Variants in KMT2C observed in about 807,000 individuals in gnomAD.
KMT2C encodes histone-lysine N-methyltransferase 2C.
Under a neutral mutation model 507.9 loss-of-function variants are expected in KMT2C, and 88 were observed. The observed-to-expected ratio is 0.17, with a 90% CI of 0.15 to 0.21. The LOEUF (loss-of-function observed/expected upper bound fraction) is 0.21. Among genes scored for constraint, KMT2C ranks in the 10% least tolerant of loss-of-function variants. The pLI is 1.00. For synonymous variants in KMT2C, 2,049 were observed against 2,080.8 expected, an observed-to-expected ratio of 0.98 and a Z score of 0.42; for missense variants, 4,954 against 5,957.8, an observed-to-expected ratio of 0.83 and a Z score of 5.55.
intron 2 of KMT2C, among the ~76,000 whole-genome samples, chr7:152,352,960 A>G (rs1274246058): frequency 6.6e-6 from 1 of 152,262 alleles, no homozygotes; most frequent in Non-Finnish European, 1.5e-5. Context: ...TAACTGAATT[A>G]TAATTAGCTA....
At chr7:152,418,111 T>C (rs1372409494) in intron 1 of KMT2C, among the ~76,000 whole-genome samples, 1 of 151,970 alleles carries the variant, frequency 6.6e-6, no homozygotes, top group African/African-American at 2.4e-5. Flanking sequence ...CAGCTAATTT[T>C]TGTATCTTAG....
chr7:152,427,338 A>T (rs1310475786), intron 1 of KMT2C, among the ~76,000 whole-genome samples: 2 of 152,114 alleles, frequency 1.3e-5, no homozygotes, highest in Non-Finnish European at 2.9e-5. Flanking sequence ...TTTATTATGT[A>T]TTCTTCCCAA....
chr7:152,356,976 G>A (rs2097157660), intron 2 of KMT2C, among the ~76,000 whole-genome samples: 1 of 151,460 alleles, frequency 6.6e-6, no homozygotes, highest in Admixed American at 6.6e-5. Flanking sequence ...GCTCACACCT[G>A]TAATCCCAGC....
intron 38 of KMT2C, 84 bp downstream of exon 38, chr7:152,176,107 T>C (rs2093196975): frequency 7.7e-7 from 1 of 1,292,730 alleles, no homozygotes; most frequent in South Asian, 1.5e-5. Flanking sequence ...CCAACTGTAA[T>C]TCTAATAATA....
intron 15 of KMT2C, among the ~76,000 whole-genome samples, chr7:152,237,385 A>G (rs1311173339): frequency 1.3e-5 from 2 of 152,220 alleles, no homozygotes; most frequent in African/African-American, 2.4e-5. Context: ...CCCAGTTTCA[A>G]ACTGCCACTC....
In KMT2C at chr7:152,178,038, A is replaced by AAAAAAG. The variant is rs2093286220; in HGVS notation, c.7443-29_7443-28insCTTTTT. 2.9e-6 allele frequency: 4 copies of AAAAAAG among 1,399,460 alleles called. No individual in the cohort carries two copies. The African/African-American group carries it at 6.1e-5, about 21-fold the overall frequency. The allele number at this position is 1,399,460 out of a possible 1,614,324, so 86.7% of individuals were successfully genotyped here. On this transcript the variant is annotated intron_variant, in intron 37 of 58. Transcript: ENST00000262189. ...TTTAAAAAAAAAAAAAAAAAAAAAA[A>AAAAAAG]AAAAGCAAATAGGTATTATGTTAAA...
chr7:152,328,447 C>A (rs1380530129), intron 3 of KMT2C, among the ~76,000 whole-genome samples: 2 of 152,126 alleles, frequency 1.3e-5, no homozygotes, highest in Non-Finnish European at 2.9e-5. Context: ...CCCATCAGCA[C>A]ATTTAAAAGA....
At chr7:152,431,543 T>C (rs1001018204) in intron 1 of KMT2C, among the ~76,000 whole-genome samples, 3 of 151,286 alleles carry the variant, frequency 2.0e-5, no homozygotes, top group Non-Finnish European at 1.5e-5. Flanking sequence ...GAGGCGGAAG[T>C]TGCAGCGAGC....
chr7:152,266,196 A>G (rs2095855732), intron 7 of KMT2C, among the ~76,000 whole-genome samples: 2 of 151,684 alleles, frequency 1.3e-5, no homozygotes, highest in South Asian at 2.1e-4. Context: ...TAGATAATAT[A>G]TATAAATATG....
At chr7:152,297,051 A>AAGAAAGAG (rs1356233143) in intron 6 of KMT2C, among the ~76,000 whole-genome samples, 10 of 60,240 alleles carry the variant, frequency 1.7e-4, no homozygotes, top group East Asian at 4.4e-4. Flanking sequence ...GAAAGAAAGA[A>AAGAAAGAG]AGACAGAGAG....
intron 3 of KMT2C, among the ~76,000 whole-genome samples, chr7:152,326,460 C>T (rs2096829447): frequency 6.6e-6 from 1 of 152,002 alleles, no homozygotes; most frequent in Admixed American, 6.6e-5. Flanking sequence ...TACCATTTAA[C>T]TCTGTTCCTA....
intron 7 of KMT2C, among the ~76,000 whole-genome samples, chr7:152,267,789 T>C (rs2095881714): frequency 6.6e-6 from 1 of 152,066 alleles, no homozygotes; most frequent in Non-Finnish European, 1.5e-5. Flanking sequence ...TAAAAGAAAA[T>C]CAGAATTTTC....
chr7:152,139,621 G>T, intron 56 of KMT2C, 54 bp downstream of exon 56: 2 of 1,227,370 alleles, frequency 1.6e-6, no homozygotes, highest in East Asian at 2.3e-5. Context: ...CTGGCACGGA[G>T]AAAGGGAGAG....
chr7:152,255,662 G>C (rs1024414296), intron 9 of KMT2C, among the ~76,000 whole-genome samples: 52 of 152,150 alleles, frequency 3.4e-4, no homozygotes, highest in African/African-American at 1.0e-3. Flanking sequence ...TGTCGTACTG[G>C]TGAATGAATA....
chr7:152,284,564 G>T (rs2096266947), intron 6 of KMT2C, among the ~76,000 whole-genome samples: 1 of 151,982 alleles, frequency 6.6e-6, no homozygotes, highest in Non-Finnish European at 1.5e-5. Flanking sequence ...ATTAACAAAT[G>T]ACCAATGTCA....
At chr7:152,348,775 T>C (rs1394627621) in intron 2 of KMT2C, among the ~76,000 whole-genome samples, 1 of 152,030 alleles carries the variant, frequency 6.6e-6, no homozygotes, top group Admixed American at 6.6e-5. Context: ...ACACACCTAT[T>C]AGAATGGTCA....
intron 9 of KMT2C, among the ~76,000 whole-genome samples, chr7:152,258,358 T>C (rs113825195): frequency 6.6e-6 from 1 of 152,138 alleles, no homozygotes; most frequent in Non-Finnish European, 1.5e-5. Context: ...AATAAGTAAG[T>C]TTAACATGTG....
At chr7:152,332,851 A>AC (rs2096896282) in intron 2 of KMT2C, among the ~76,000 whole-genome samples, 1 of 138,520 alleles carries the variant, frequency 7.2e-6, no homozygotes, top group African/African-American at 2.7e-5. Context: ...TGCGTCTCAA[A>AC]ACACACACAC....
At chr7:152,283,098 CTAAGA>C (rs2096246595) in intron 6 of KMT2C, among the ~76,000 whole-genome samples, 1 of 152,252 alleles carries the variant, frequency 6.6e-6, no homozygotes. Flanking sequence ...AAAGCTAATT[CTAAGA>C]TATCTGTCCT....
Sources: gnomAD v4.1 joint callset for allele counts (sites outside exome capture counted in the v4.1 genomes callset) on GRCh38, gnomAD v4.1.1 for gene constraint, MANE v1.5 for transcripts, NCBI Gene and HGNC (gene_info 2026-07-23, HGNC 2026-07-21) for gene names.